RIPOR2: variants seen among roughly 807,000 people sequenced by gnomAD.
RIPOR2 encodes the protein rho family-interacting cell polarization regulator 2.
A neutral mutation model predicts 114.5 loss-of-function variants in RIPOR2; 39 were observed. The observed-to-expected ratio is 0.34, with a 90% CI of 0.26 to 0.44. The LOEUF is 0.44. Among genes scored for constraint, RIPOR2 ranks in the 20% least tolerant of loss-of-function variants. The pLI is 1.00. For missense variants in RIPOR2, 1,007 were observed against 1,255.1 expected (o/e 0.80, Z 2.99); for synonymous variants, 445 against 484.4 (o/e 0.92, Z 1.07).
In RIPOR2 at chr6:24,825,252, A is replaced by G; in HGVS notation, c.2842T>C (p.Ser948Pro). Residue 948 changes from serine to proline, a missense_variant, in exon 19 of 22, where the codon TCC becomes CCC. Ser to Pro is a moderately conservative substitution (Grantham distance 74, BLOSUM62 -1). Coordinates refer to ENST00000643898, the MANE Select transcript of RIPOR2 (RefSeq NM_001286445.3). The part of the protein sequence containing the change: ...EAVTLYLAAA[S>P]KNQHFREKAL... Reference sequence around the variant, plus strand: ...TTTTCCCTGAAATGCTGATTTTTGGAGGCTGCTGCCAAGTAAAGCGTCACA... The same window carrying G: ...TTTTCCCTGAAATGCTGATTTTTGGGGGCTGCTGCCAAGTAAAGCGTCACA... The G allele has an allele frequency of 1.3e-6, 2 of 1,551,046 alleles. No individual in the cohort carries two copies. The highest frequency in any genetic ancestry group is 1.7e-6 in the Non-Finnish European group (2 of 1,146,946).
chr6:24,894,629 G>A (rs563583260), intron 1 of RIPOR2, among the ~76,000 whole-genome samples: 3 of 152,284 alleles, frequency 2.0e-5, no homozygotes, highest in Admixed American at 6.5e-5. Flanking sequence ...CATGGTTTAA[G>A]AACAGTAACT....
chr6:24,824,929 C>T (rs938526976), intron 19 of RIPOR2, among the ~76,000 whole-genome samples: 4 of 152,068 alleles, frequency 2.6e-5, no homozygotes, highest in Non-Finnish European at 4.4e-5. Context: ...TGATATATTA[C>T]ATTTAAAAAT....
chr6:24,978,098 C>G (rs936630946), intron 1 of RIPOR2, among the ~76,000 whole-genome samples: 3 of 152,094 alleles, frequency 2.0e-5, no homozygotes, highest in African/African-American at 7.2e-5. Context: ...AGTAAGAAAA[C>G]CTTTTAAAGT....
intron 1 of RIPOR2, among the ~76,000 whole-genome samples, chr6:25,031,726 T>A (rs1335970262): frequency 9.4e-6 from 1 of 106,342 alleles, no homozygotes; most frequent in African/African-American, 4.3e-5. Context: ...TATATATATA[T>A]ATATATATAT....
chr6:25,027,948 C>T lies in RIPOR2; in HGVS notation c.76+13903G>A, dbSNP rs569934159. ...GGCTCTGAGAAGAAAGGGGAGTGGG[C>T]ACTGTCCGCTGGAAGTGAGCTGGCT... On this transcript the variant is annotated intron_variant, in intron 1 of 13. Coordinates refer to the RIPOR2 transcript ENST00000510784. Among the ~76,000 whole-genome samples the T allele has an allele frequency of 2.6e-5, 4 of 152,286 alleles. No homozygotes were observed. The South Asian group carries it at 8.3e-4, about 32-fold the overall frequency.
At chr6:25,011,339 C>A (rs1025869446) in intron 1 of RIPOR2, among the ~76,000 whole-genome samples, 1 of 152,160 alleles carries the variant, frequency 6.6e-6, no homozygotes, top group African/African-American at 2.4e-5. Context: ...AAGGAAGTCT[C>A]CAGAAGGAGC....
At chr6:24,983,258 A>G in intron 1 of RIPOR2, among the ~76,000 whole-genome samples, 1 of 152,076 alleles carries the variant, frequency 6.6e-6, no homozygotes. Context: ...ACATATATAT[A>G]CACGTATACA....
chr6:24,886,258 C>T (rs1435677310), intron 1 of RIPOR2, among the ~76,000 whole-genome samples: 1 of 152,162 alleles, frequency 6.6e-6, no homozygotes, highest in Non-Finnish European at 1.5e-5. Flanking sequence ...CTCTTAAATA[C>T]TTCAATGTGT....
At chr6:24,970,161 G>GA (rs58697787) in intron 1 of RIPOR2, among the ~76,000 whole-genome samples, 87,432 of 150,224 alleles carry the variant, frequency 0.58, 25,672 homozygotes, top group East Asian at 0.74. Context: ...GAAAGGGGAC[G>GA]AAAAAAAAAG....
chr6:25,005,702 T>G (rs1426571179), intron 1 of RIPOR2, among the ~76,000 whole-genome samples: 16 of 47,500 alleles, frequency 3.4e-4, no homozygotes, highest in Admixed American at 1.3e-3. Context: ...GAGATATATA[T>G]ATATATATAT....
At chr6:24,890,112 C>A (rs1288788775) in intron 1 of RIPOR2, among the ~76,000 whole-genome samples, 1 of 151,994 alleles carries the variant, frequency 6.6e-6, no homozygotes, top group African/African-American at 2.4e-5. Context: ...ACAGGCTGGT[C>A]TCGAACTCCT....
At chr6:24,939,304 C>G (rs757432323), upstream of RIPOR2, among the ~76,000 whole-genome samples, 12 of 152,176 alleles carry the variant, frequency 7.9e-5, no homozygotes, top group Non-Finnish European at 1.6e-4. Context: ...GTGCAATAAA[C>G]TGTGAAGAAG....
intron 17 of RIPOR2, among the ~76,000 whole-genome samples, chr6:24,829,283 C>T (rs190565444): frequency 2.0e-5 from 3 of 151,842 alleles, no homozygotes; most frequent in East Asian, 1.9e-4. Context: ...CATTGCACTC[C>T]GGCCTGGGCA....
intron 6 of RIPOR2, among the ~76,000 whole-genome samples, chr6:24,868,021 C>G (rs9467337): frequency 0.6 from 90,665 of 152,034 alleles, 27,695 homozygotes; most frequent in East Asian, 0.72. Context: ...TATGTCAAAG[C>G]TTGCCTGCCA....
At position 24,875,567 on chromosome 6, in the gene RIPOR2, A is replaced by G; in HGVS notation, c.188+124T>C. ...TTAGTACATCCTTTCCATGAAAAAGATTAAAATGGGGAGGAGGCCGGGGGG... is the reference window on the plus strand; with the variant it reads ...TTAGTACATCCTTTCCATGAAAAAGGTTAAAATGGGGAGGAGGCCGGGGGG... On this transcript the variant is annotated intron_variant, in intron 2 of 21. Transcript: ENST00000643898. 3 of 842,350 alleles carry G rather than the reference A, an allele frequency of 3.6e-6. No homozygotes were observed. The South Asian group carries it at 5.4e-5, about 15-fold the overall frequency. 52.2% of individuals were successfully genotyped at this position (842,350 alleles called of 1,614,324 possible).
chr6:24,832,014 T>C (rs756742860), intron 16 of RIPOR2, among the ~76,000 whole-genome samples: 1 of 152,212 alleles, frequency 6.6e-6, no homozygotes, highest in Non-Finnish European at 1.5e-5. Flanking sequence ...ATGCTGTTTT[T>C]GTTTCTGGGT....
At chr6:25,005,714 T>C (rs1282949753) in intron 1 of RIPOR2, among the ~76,000 whole-genome samples, 1 of 86,316 alleles carries the variant, frequency 1.2e-5, no homozygotes, top group East Asian at 3.4e-4. Flanking sequence ...TATATATATA[T>C]ATATATATAT....
chr6:25,013,761 A>G (rs1282375992), intron 1 of RIPOR2, among the ~76,000 whole-genome samples: 1 of 152,200 alleles, frequency 6.6e-6, no homozygotes, highest in Non-Finnish European at 1.5e-5. Flanking sequence ...CAAATCAGAA[A>G]GTGAGTGTTG....
rs6907190 is a variant in RIPOR2 at position 24,836,697 on chromosome 6, C to G, written c.2040-826G>C. Reference sequence around the variant, plus strand: ...CAATTTAAAAAGATTAGCACCAGAGCTTAGAGGCTTTGAATGCTTTATTCT... The same window carrying G: ...CAATTTAAAAAGATTAGCACCAGAGGTTAGAGGCTTTGAATGCTTTATTCT... On this transcript the variant is annotated intron_variant, in intron 14 of 21. Coordinates refer to ENST00000643898, the MANE Select transcript of RIPOR2 (RefSeq NM_001286445.3). Among the ~76,000 whole-genome samples, 1,224 of 152,208 alleles carry G rather than the reference C, an allele frequency of 8.0e-3. 17 individuals are homozygous for G. The highest frequency in any genetic ancestry group is 0.022 in the African/African-American group (899 of 41,536).
Sources: gnomAD v4.1 joint callset for allele counts (sites outside exome capture counted in the v4.1 genomes callset) on GRCh38, gnomAD v4.1.1 for gene constraint, MANE v1.5 for transcripts, NCBI Gene and HGNC (gene_info 2026-07-23, HGNC 2026-07-21) for gene names.